TLL2: variants seen among roughly 807,000 people sequenced by gnomAD.
TLL2 encodes tolloid like 2.
Under a neutral mutation model 123.0 loss-of-function variants are expected in TLL2, and 106 were observed. The ratio of observed to expected loss-of-function variants is 0.86; its 90% CI spans 0.74 to 1.01. The LOEUF (loss-of-function observed/expected upper bound fraction) is 1.01, where lower values mean the gene tolerates loss of function less well. TLL2 is among the 50% of genes least tolerant of loss of function. The probability of loss-of-function intolerance (pLI) is 0.00; values close to 1 mark genes in which losing one functional copy is unlikely to be tolerated. For synonymous variants in TLL2, 494 were observed against 516.8 expected, an observed-to-expected ratio of 0.96 and a Z score of 0.60; for missense variants, 1,332 against 1,336.7, an observed-to-expected ratio of 1.00 and a Z score of 0.06.
chr10:96,477,960 G>A (rs991707309), intron 2 of TLL2, among the ~76,000 whole-genome samples: 2 of 152,228 alleles, frequency 1.3e-5, no homozygotes, highest in Non-Finnish European at 2.9e-5. Context: ...AATCCAGGCA[G>A]GATGTAGGCT....
intron 19 of TLL2, among the ~76,000 whole-genome samples, chr10:96,370,782 G>A (rs1846074928): frequency 6.6e-6 from 1 of 152,130 alleles, no homozygotes; most frequent in Non-Finnish European, 1.5e-5. Flanking sequence ...CATCGGAATC[G>A]CGGGTAAGCT....
intron 1 of TLL2, among the ~76,000 whole-genome samples, chr10:96,505,598 G>A (rs1847570916): frequency 6.6e-6 from 1 of 152,194 alleles, no homozygotes; most frequent in Admixed American, 6.5e-5. Flanking sequence ...CAGTGTCCCA[G>A]CAAGCCTAGG....
rs1564895393 is a variant in TLL2 at position 96,384,620 on chromosome 10, A to C, written c.2161T>G (p.Ser721Ala). The C allele has an allele frequency of 1.2e-6, 2 of 1,605,228 alleles. No individual in the cohort carries two copies. The highest frequency in any genetic ancestry group is 4.5e-5 in the East Asian group (2 of 44,402). Residue 721 changes from serine (S) to alanine (A), a missense_variant, in exon 16 of 21, where the codon TCC becomes GCC. By Grantham distance (99) the Ser-to-Ala change is moderately conservative. Transcript: ENST00000357947. ...RVEFKSDNTV[S>A]KRGFRAHFFS... Reference sequence around the variant, plus strand: ...AAGTGGGCCCTGAAGCCGCGCTTGGAGACGGTGTTGTCGGACTTGAACTCC... The same window carrying C: ...AAGTGGGCCCTGAAGCCGCGCTTGGCGACGGTGTTGTCGGACTTGAACTCC...
Position 96,512,981 on chromosome 10 carries a change from G to T in TLL2, c.175+530C>A, listed in dbSNP as rs528618858. ...GGAAGTTTCCGGCTATTCGAGTCTTGCTCATTCTCCCTCGGCGACCCCTTT... is the reference window on the plus strand; with the variant it reads ...GGAAGTTTCCGGCTATTCGAGTCTTTCTCATTCTCCCTCGGCGACCCCTTT... On this transcript the variant is annotated intron_variant, in intron 1 of 20. Transcript: ENST00000357947. Among the ~76,000 whole-genome samples, 9 of 152,360 alleles carry T rather than the reference G, an allele frequency of 5.9e-5. No homozygotes were observed. The South Asian group carries it at 1.7e-3, about 28-fold the overall frequency.
At chr10:96,476,669 A>C (rs1415850134) in intron 2 of TLL2, among the ~76,000 whole-genome samples, 1 of 152,120 alleles carries the variant, frequency 6.6e-6, no homozygotes, top group Non-Finnish European at 1.5e-5. Flanking sequence ...ATGGGAAACA[A>C]TCTTCACATT....
chr10:96,421,138 G>A lies in TLL2; in HGVS notation c.818-77C>T, dbSNP rs1047355513. On this transcript the variant is annotated intron_variant, in intron 6 of 20. Transcript: ENST00000357947. The stretch of plus-strand genomic sequence containing the variant: ...AAGGAGGCAGAGGAAGGAGAAGGAG[G>A]GCCCATAACAACTTCCCAGGGCTCT... The A allele has an allele frequency of 1.4e-5, 15 of 1,109,190 alleles. No homozygotes were observed. The Admixed American group carries it at 1.4e-4, about 10-fold the overall frequency. 68.7% of individuals were successfully genotyped at this position (1,109,190 alleles called of 1,614,324 possible). A position where few individuals can be genotyped will look rare whatever the true frequency, so the allele number is the denominator to read the frequency against.
At chr10:96,386,873 G>A (rs1031083153) in intron 14 of TLL2, 80 bp downstream of exon 14, 1 of 1,583,770 alleles carries the variant, frequency 6.3e-7, no homozygotes, top group Non-Finnish European at 8.6e-7. Context: ...CAGCCAGCTG[G>A]TTGCCCCATC....
intron 2 of TLL2, among the ~76,000 whole-genome samples, chr10:96,469,880 T>G (rs1187419869): frequency 2.0e-5 from 3 of 152,134 alleles, no homozygotes; most frequent in Non-Finnish European, 2.9e-5. Flanking sequence ...AGCAGAGCTG[T>G]GGGGTCGATC....
At chr10:96,376,949 G>T (rs1347931675) in intron 17 of TLL2, 130 bp from the exon 18 acceptor site, 2 of 863,848 alleles carry the variant, frequency 2.3e-6, no homozygotes, top group Non-Finnish European at 3.3e-6. Flanking sequence ...TGGGGGTGGG[G>T]TATCCTGAAT....
chr10:96,464,813 C>A (rs1001947270), intron 2 of TLL2, among the ~76,000 whole-genome samples: 1 of 152,078 alleles, frequency 6.6e-6, no homozygotes, highest in Non-Finnish European at 1.5e-5. Flanking sequence ...AAATATACCC[C>A]AAAATAAAGT....
intron 2 of TLL2, among the ~76,000 whole-genome samples, chr10:96,472,767 G>GA (rs1263417227): frequency 6.6e-6 from 1 of 151,700 alleles, no homozygotes; most frequent in African/African-American, 2.4e-5. Context: ...AAGAAAAAAA[G>GA]AAAAAAAAGC....
At chr10:96,500,144 C>CAAAAAA (rs57153896) in intron 1 of TLL2, among the ~76,000 whole-genome samples, 1 of 120,796 alleles carries the variant, frequency 8.3e-6, no homozygotes, top group Admixed American at 9.3e-5. Context: ...AAATCTCTAC[C>CAAAAAA]AAAAAAAAAA....
chr10:96,463,281 A>C (rs905581253), intron 2 of TLL2, among the ~76,000 whole-genome samples: 6 of 152,202 alleles, frequency 3.9e-5, no homozygotes, highest in Non-Finnish European at 8.8e-5. Context: ...CACAGCAGGA[A>C]AGCAAACGAA....
In TLL2 at chr10:96,373,620, C is replaced by T. The variant is rs778363965; in HGVS notation, c.2638G>A (p.Gly880Ser). 6.2e-7 allele frequency: 1 copy of T among 1,614,242 alleles called. No homozygotes were observed. The highest frequency in any genetic ancestry group is 8.5e-7 in the Non-Finnish European group (1 of 1,180,048). Residue 880 changes from glycine to serine, a missense_variant, in exon 19 of 21, where the codon GGC becomes AGC. Gly to Ser is a moderately conservative substitution (Grantham distance 56). Coordinates refer to ENST00000357947, the MANE Select transcript of TLL2 (RefSeq NM_012465.4). ...FYSDASVQRK[G>S]FQAVHSTECG... ...CCTGTGCTGTGCACTGCCTGGAAGC[C>T]TTTCCTCTGCACTGAGGCATCCGAA...
In TLL2 at chr10:96,364,694, T is replaced by C. The variant is rs1223896469; in HGVS notation, c.*3394A>G. On this transcript the variant is annotated 3_prime_UTR_variant, in exon 21 of 21. Coordinates refer to ENST00000357947, the MANE Select transcript of TLL2 (RefSeq NM_012465.4). Reference sequence around the variant, plus strand: ...CACTTTCTCTTTGAAACTGACATCATTTCATGAAATGTAAAATTACACAAA... The same window carrying C: ...CACTTTCTCTTTGAAACTGACATCACTTCATGAAATGTAAAATTACACAAA... 1 of 152,682 alleles carries C rather than the reference T, an allele frequency of 6.5e-6. No individual in the cohort carries two copies. Among genetic ancestry groups the C allele is most frequent in the African/African-American group, 2.4e-5 (1 of 41,462 alleles). The allele number at this position is 152,682 out of a possible 1,614,324, so 9.5% of individuals were successfully genotyped here.
chr10:96,415,324 G>A (rs1312160347), intron 7 of TLL2, among the ~76,000 whole-genome samples: 6 of 152,044 alleles, frequency 3.9e-5, no homozygotes, highest in Admixed American at 3.9e-4. Flanking sequence ...TTGTCTGTTT[G>A]CAAACTCCTA....
intron 1 of TLL2, among the ~76,000 whole-genome samples, chr10:96,486,796 G>A (rs559886021): frequency 2.0e-5 from 3 of 152,370 alleles, no homozygotes; most frequent in Admixed American, 1.3e-4. Flanking sequence ...GAGGGGCCAA[G>A]CAGGGCAGAG....
intron 5 of TLL2, among the ~76,000 whole-genome samples, chr10:96,425,422 G>A (rs1170328032): frequency 3.3e-5 from 5 of 151,862 alleles, no homozygotes; most frequent in Non-Finnish European, 5.9e-5. Flanking sequence ...AGAAAGGCAT[G>A]AATGTACAGC....
chr10:96,382,448 A>C (rs1454921503), intron 16 of TLL2, among the ~76,000 whole-genome samples: 1 of 152,200 alleles, frequency 6.6e-6, no homozygotes, highest in Non-Finnish European at 1.5e-5. Context: ...CAAGAGCCCT[A>C]ATGGAAGGGA....
Sources: allele counts gnomAD v4.1 joint callset (sites outside exome capture counted in the v4.1 genomes callset), GRCh38; gene constraint gnomAD v4.1.1; transcripts MANE v1.5; gene names NCBI Gene and HGNC (gene_info 2026-07-23, HGNC 2026-07-21).